GRIK5: variants seen among roughly 807,000 people sequenced by gnomAD.
The protein encoded by GRIK5 is glutamate ionotropic receptor kainate type subunit 5.
A neutral mutation model predicts 97.4 loss-of-function variants in GRIK5; 43 were observed. The ratio of observed to expected loss-of-function variants is 0.44; its 90% CI spans 0.35 to 0.57. The LOEUF (loss-of-function observed/expected upper bound fraction) is 0.57, where lower values mean the gene tolerates loss of function less well. Ranked by LOEUF, GRIK5 falls within the 20% of genes least tolerant of loss-of-function variation. The pLI, the probability that GRIK5 is intolerant of heterozygous loss-of-function variation, is 0.01. For synonymous variants in GRIK5, 580 were observed against 583.5 expected (o/e 0.99, Z 0.09); for missense variants, 1,015 against 1,382.0 (o/e 0.73, Z 4.21).
intron 19 of GRIK5, chr19:42,001,782 T>C (rs1269930566): frequency 1.2e-5 from 3 of 258,122 alleles, no homozygotes; most frequent in African/African-American, 2.2e-5. Flanking sequence ...CAATGGAAGC[T>C]GGCTTTTTAA....
At chr19:42,027,291 A>AG (rs969946426) in intron 12 of GRIK5, among the ~76,000 whole-genome samples, 1 of 152,160 alleles carries the variant, frequency 6.6e-6, no homozygotes, top group Non-Finnish European at 1.5e-5. Context: ...CACTGTTGCA[A>AG]GGGGGGTCTT....
At position 42,065,326 on chromosome 19, in the gene GRIK5, G is replaced by C; in HGVS notation, c.141C>G (p.Ala47=). 6.2e-7 allele frequency: 1 copy of C among 1,610,346 alleles called. No homozygotes were observed. The highest frequency in any genetic ancestry group is 8.5e-7 in the Non-Finnish European group (1 of 1,178,546). ...CGATGATCCCGTTGATCTGCTCCCGGGCCAAGGCCAAGGCCAGACGCTCAC... is the reference window on the plus strand; with the variant it reads ...CGATGATCCCGTTGATCTGCTCCCGCGCCAAGGCCAAGGCCAGACGCTCAC... ...GRGERLALAL[A]REQINGIIEV... is the part of the protein sequence containing the mutation. Residue 47 remains alanine (A), a synonymous_variant, in exon 3 of 20, where the codon GCC becomes GCG. Transcript: ENST00000593562. The surrounding 1 kb of genome is among the most constrained non-coding windows in gnomAD (Gnocchi z 5.8).
chr19:42,009,767 CAAAAAA>C (rs1171061442), intron 15 of GRIK5, among the ~76,000 whole-genome samples: 1 of 63,204 alleles, frequency 1.6e-5, no homozygotes, highest in African/African-American at 6.1e-5. Flanking sequence ...GACTTTGTCT[CAAAAAA>C]AAAAAAAAAA....
intron 5 of GRIK5, among the ~76,000 whole-genome samples, chr19:42,060,027 T>A (rs1490032633): frequency 6.6e-6 from 1 of 151,550 alleles, no homozygotes; most frequent in Non-Finnish European, 1.5e-5. Flanking sequence ...TGCCCCTGAG[T>A]CTGTTCCCTA....
chr19:42,055,463 A>G (rs2076171024), intron 8 of GRIK5, among the ~76,000 whole-genome samples: 3 of 152,188 alleles, frequency 2.0e-5, no homozygotes, highest in African/African-American at 7.2e-5. Context: ...TTCAACATCT[A>G]TTATCAGACA....
At chr19:42,050,582 C>A (rs1234971354) in intron 11 of GRIK5, among the ~76,000 whole-genome samples, 2 of 150,118 alleles carry the variant, frequency 1.3e-5, no homozygotes, top group African/African-American at 2.5e-5. Flanking sequence ...GGTGTGAACC[C>A]AGGAGGCGGA....
chr19:42,045,440 C>T (rs2076031525), intron 11 of GRIK5, among the ~76,000 whole-genome samples: 1 of 152,240 alleles, frequency 6.6e-6, no homozygotes, highest in East Asian at 1.9e-4. Context: ...CAGCTGAATG[C>T]TGCCGCAGTG....
chr19:42,022,183 C>T lies in GRIK5; in HGVS notation c.1587+58G>A, dbSNP rs376299775. ...GTCCTGGGGCTGTCTGGCTCCCACT[C>T]GCAGGCCCTGAGCCTCCATGCCAGG... is the stretch of plus-strand genomic sequence containing the variant. On this transcript the variant is annotated intron_variant, in intron 13 of 19. Transcript: ENST00000593562. The surrounding 1 kb of genome is among the most constrained non-coding windows in gnomAD (Gnocchi z 4.2). 3.6e-4 allele frequency: 534 copies of T among 1,469,962 alleles called. 2 individuals carry two copies. The South Asian group carries it at 5.8e-3, about 16-fold the overall frequency. 91.1% of individuals were successfully genotyped at this position (1,469,962 alleles called of 1,614,324 possible). A position where few individuals can be genotyped will look rare whatever the true frequency, so the allele number is the denominator to read the frequency against.
At chr19:42,060,579 C>T (rs2076245618) in intron 5 of GRIK5, among the ~76,000 whole-genome samples, 2 of 143,860 alleles carry the variant, frequency 1.4e-5, no homozygotes, top group Non-Finnish European at 3.1e-5. Flanking sequence ...CAATAAATAC[C>T]TTTTTTTTTT....
chr19:42,045,258 C>A (rs2076029224), intron 11 of GRIK5, among the ~76,000 whole-genome samples: 1 of 152,208 alleles, frequency 6.6e-6, no homozygotes, highest in South Asian at 2.1e-4. Flanking sequence ...CTTGTTTTGG[C>A]CAACTGGATG....
Position 42,065,246 on chromosome 19 carries a change from C to T in GRIK5, c.221G>A (p.Ser74Asn), listed in dbSNP as rs2076314433. Residue 74 changes from serine (S) to asparagine (N), a missense_variant, in exon 3 of 20, where the codon AGC becomes AAC. Physicochemically the swap from Ser to Asn is conservative, Grantham distance 46. Transcript: ENST00000593562. The surrounding 1 kb of genome is among the most constrained non-coding windows in gnomAD (Gnocchi z 5.8). The part of the protein sequence containing the change: ...EVDIFELQRD[S>N]QYETTDTMCQ... The stretch of plus-strand genomic sequence containing the variant: ...ACTGGTGTCCGTGGTCTCGTACTGG[C>T]TGTCCCGCTGCAGCTCAAAGATGTC... The T allele has an allele frequency of 1.2e-6, 2 of 1,612,486 alleles. No homozygotes were observed. Among genetic ancestry groups the T allele is most frequent in the Non-Finnish European group, 8.5e-7 (1 of 1,179,438 alleles).
chr19:42,006,451 C>T lies in GRIK5; in HGVS notation c.2037+194G>A, dbSNP rs1485056697. On this transcript the variant is annotated intron_variant, in intron 16 of 19. Transcript: ENST00000593562. The surrounding 1 kb of genome is among the most constrained non-coding windows in gnomAD (Gnocchi z 5.3). ...ATTTGATACCACATATGCCTCCCTG[C>T]CCTCATTCCCCAGTTCCCTAGCCAG... 6.6e-6 allele frequency among the ~76,000 whole-genome samples: 1 copy of T among 152,180 alleles called. No individual in the cohort carries two copies. Among genetic ancestry groups the T allele is most frequent in the African/African-American group, 2.4e-5 (1 of 41,432 alleles).
Position 41,998,939 on chromosome 19 carries a change from C to T in GRIK5, c.2875G>A (p.Glu959Lys). Residue 959 changes from glutamate (E) to lysine (K), a missense_variant, in exon 20 of 20, where the codon GAA (glutamate) becomes AAA (lysine). By Grantham distance (56) the Glu-to-Lys change is moderately conservative. Around this residue, in one of 5 missense-constraint regions of GRIK5, gnomAD observed 109 missense variants for 100.4 expected, o/e 1.09. Transcript: ENST00000593562. ...APPRGLGVPA[E>K]ATSPPRPRPG... ...CGCGGCCGGGGCGGGCTGGTGGCTT[C>T]GGCGGGGACGCCCAGGCCACGCGGA... 1 of 1,118,414 alleles carries T rather than the reference C, an allele frequency of 8.9e-7. No homozygotes were observed. The highest frequency in any genetic ancestry group is 1.1e-6 in the Non-Finnish European group (1 of 917,208). The allele number at this position is 1,118,414 out of a possible 1,614,324, so 69.3% of individuals were successfully genotyped here.
At chr19:42,063,837 T>C (rs1238559542) in intron 3 of GRIK5, among the ~76,000 whole-genome samples, 1 of 152,226 alleles carries the variant, frequency 6.6e-6, no homozygotes, top group Non-Finnish European at 1.5e-5. Context: ...TTAGGTCTTT[T>C]AGTGACATGA....
Position 42,022,623 on chromosome 19 carries a change from G to A in GRIK5, c.1474-269C>T, listed in dbSNP as rs1417373055. ...CCTCAACTGTGTCCCAGCATCAAGG[G>A]CTGGGGATGGAGGGGTTCCCCAAAC... On this transcript the variant is annotated intron_variant, in intron 12 of 19. Coordinates refer to ENST00000593562, the MANE Select transcript of GRIK5 (RefSeq NM_002088.5). This position sits in a 1 kb window ranked among gnomAD's most constrained non-coding sequence, Gnocchi z 4.2. The A allele has an allele frequency of 1.0e-6, 1 of 984,918 alleles. No individual in the cohort carries two copies. Among genetic ancestry groups the A allele is most frequent in the East Asian group, 1.1e-4 (1 of 8,802 alleles). The allele number at this position is 984,918 out of a possible 1,614,324, so 61.0% of individuals were successfully genotyped here. A position where few individuals can be genotyped will look rare whatever the true frequency, so the allele number is the denominator to read the frequency against.
At chr19:42,014,306 A>G (rs1395671352) in intron 15 of GRIK5, among the ~76,000 whole-genome samples, 1 of 151,870 alleles carries the variant, frequency 6.6e-6, no homozygotes, top group African/African-American at 2.4e-5. Context: ...AGGCAGGAGA[A>G]TTGCTTGAAC....
At position 42,042,051 on chromosome 19, in the gene GRIK5, G is replaced by T. The variant is rs2075983829; in HGVS notation, c.1473+501C>A. On this transcript the variant is annotated intron_variant, in intron 12 of 19. Transcript: ENST00000593562. The surrounding 1 kb of genome is among the most constrained non-coding windows in gnomAD (Gnocchi z 6.9). ...CCAGCAAGAGGCAAGGCACATAGTAGGTACTCAATAAACAGCCACTGAATG... is the reference window on the plus strand; with the variant it reads ...CCAGCAAGAGGCAAGGCACATAGTATGTACTCAATAAACAGCCACTGAATG... 2.6e-5 allele frequency among the ~76,000 whole-genome samples: 4 copies of T among 152,148 alleles called. No individual in the cohort carries two copies. The highest frequency in any genetic ancestry group is 2.4e-5 in the African/African-American group (1 of 41,420).
chr19:42,042,461 G>T lies in GRIK5; in HGVS notation c.1473+91C>A. On this transcript the variant is annotated intron_variant, in intron 12 of 19. Transcript: ENST00000593562. This position sits in a 1 kb window ranked among gnomAD's most constrained non-coding sequence, Gnocchi z 6.9. ...TCCTTCCTCTTCTGCCACCAGCCAG[G>T]CTGCTTCTGAGGTTCGACTGGCTGC... is the stretch of plus-strand genomic sequence containing the variant. The T allele has an allele frequency of 2.6e-6, 3 of 1,137,238 alleles. No homozygotes were observed. The highest frequency in any genetic ancestry group is 3.8e-6 in the Non-Finnish European group (3 of 787,028). The allele number at this position is 1,137,238 out of a possible 1,614,324, so 70.4% of individuals were successfully genotyped here.
At chr19:42,050,321 A>G (rs2076096741) in intron 11 of GRIK5, among the ~76,000 whole-genome samples, 1 of 152,160 alleles carries the variant, frequency 6.6e-6, no homozygotes, top group South Asian at 2.1e-4. Flanking sequence ...TGGCAGTGCC[A>G]GGCTCAGGAC....
Sources: gnomAD v4.1 joint callset for allele counts (sites outside exome capture counted in the v4.1 genomes callset) on GRCh38, gnomAD v4.1.1 for gene constraint, gnomAD v4.1.1 regional missense constraint, Gnocchi (gnomAD v3.1) non-coding constraint, MANE v1.5 for transcripts, NCBI Gene and HGNC (gene_info 2026-07-23, HGNC 2026-07-21) for gene names.